The following PTPRN2 variants were observed in gnomAD, a reference collection of about 807,000 sequenced individuals.
PTPRN2 encodes protein tyrosine phosphatase receptor type N2.
Under a neutral mutation model 118.8 loss-of-function variants are expected in PTPRN2, and 74 were observed. That is an observed-to-expected ratio of 0.62 (90% CI 0.52 to 0.76). The LOEUF is 0.76. Ranked by LOEUF, PTPRN2 falls within the 30% of genes least tolerant of loss-of-function variation. The pLI is 0.00. For synonymous variants in PTPRN2, 641 were observed against 608.0 expected (o/e 1.05, Z -0.80); for missense variants, 1,481 against 1,394.4 (o/e 1.06, Z -0.99).
rs1182700465 is a variant in PTPRN2 at position 157,539,082 on chromosome 7, C to G, written c.*1632G>C. On this transcript the variant is annotated 3_prime_UTR_variant, in exon 23 of 23. Transcript: ENST00000389418. ...GTGAAATCAGAAGTTTAATATGACACAATTAAATATATTTGTATATCTCAC... is the reference window on the plus strand; with the variant it reads ...GTGAAATCAGAAGTTTAATATGACAGAATTAAATATATTTGTATATCTCAC... The G allele has an allele frequency of 3.9e-5, 6 of 152,176 alleles. No homozygotes were observed. The highest frequency in any genetic ancestry group is 1.2e-4 in the African/African-American group (5 of 41,410). The allele number at this position is 152,176 out of a possible 1,614,324, so 9.4% of individuals were successfully genotyped here.
chr7:158,046,778 C>T (rs1396533344), intron 11 of PTPRN2, among the ~76,000 whole-genome samples: 4 of 152,172 alleles, frequency 2.6e-5, no homozygotes, highest in Non-Finnish European at 2.9e-5. Flanking sequence ...CCTAACCTGA[C>T]ATTTTGGAGA....
intron 11 of PTPRN2, among the ~76,000 whole-genome samples, chr7:157,995,699 T>C (rs4716525): frequency 0.67 from 102,694 of 152,214 alleles, 35,000 homozygotes; most frequent in East Asian, 0.88. Flanking sequence ...AGCGTCCACA[T>C]GAGCAGGCGG....
intron 11 of PTPRN2, among the ~76,000 whole-genome samples, chr7:158,070,750 CCCG>C (rs1811267462): frequency 8.8e-6 from 1 of 113,092 alleles, no homozygotes; most frequent in Non-Finnish European, 1.7e-5. Flanking sequence ...GGTGGAGGTG[CCCG>C]TGGTGGTGGA....
At chr7:158,052,798 CT>C (rs1809436598) in intron 11 of PTPRN2, among the ~76,000 whole-genome samples, 1 of 152,152 alleles carries the variant, frequency 6.6e-6, no homozygotes, top group South Asian at 2.1e-4. Flanking sequence ...CCCTTTGGAT[CT>C]TTTGGAGACA....
intron 2 of PTPRN2, among the ~76,000 whole-genome samples, chr7:158,398,604 A>C (rs1812708996): frequency 6.6e-6 from 1 of 152,322 alleles, no homozygotes; most frequent in East Asian, 1.9e-4. Context: ...AGTTTGAAAA[A>C]TCTAAGTCTG....
Position 158,489,750 on chromosome 7 carries a change from C to G in PTPRN2, c.148G>C (p.Glu50Gln). 2.2e-5 allele frequency: 35 copies of G among 1,583,698 alleles called. No homozygotes were observed. Among genetic ancestry groups the G allele is most frequent in the Non-Finnish European group, 3.0e-5 (35 of 1,166,166 alleles). The change falls in exon 2 of 23, where the codon GAG becomes CAG. Residue 50 changes from glutamate (E) to glutamine (Q), a missense_variant. This residue lies in a region of PTPRN2 where 1,115 missense variants were observed against 994.2 expected (regional missense o/e 1.12). Transcript: ENST00000389418. ...LLEEGLCGAS[E>Q]ACVNDGVFGR... ...CCACACTCACCGTTCACACAGGCCTCGGACGCTCCGCAGAGGCCCTCCTCG... is the reference window on the plus strand; with the variant it reads ...CCACACTCACCGTTCACACAGGCCTGGGACGCTCCGCAGAGGCCCTCCTCG...
At chr7:158,029,924 A>G (rs899664010) in intron 11 of PTPRN2, 1 of 152,286 alleles carries the variant, frequency 6.6e-6, no homozygotes, top group Non-Finnish European at 1.5e-5. Context: ...CAGCTGCAAA[A>G]CAGCTGATAA....
intron 5 of PTPRN2, among the ~76,000 whole-genome samples, chr7:158,172,347 CAGA>C (rs1319536931): frequency 2.0e-5 from 3 of 152,202 alleles, no homozygotes; most frequent in Non-Finnish European, 4.4e-5. Flanking sequence ...GCACACAACT[CAGA>C]GGAGGAACTT....
At chr7:157,855,309 G>C (rs980932659) in intron 12 of PTPRN2, among the ~76,000 whole-genome samples, 2 of 152,268 alleles carry the variant, frequency 1.3e-5, no homozygotes, top group Admixed American at 6.5e-5. Flanking sequence ...CCGGCTTCTC[G>C]AGCTCGGCCT....
chr7:158,147,687 T>C (rs1202760282), intron 6 of PTPRN2, among the ~76,000 whole-genome samples: 2 of 140,954 alleles, frequency 1.4e-5, no homozygotes, highest in South Asian at 2.4e-4. Context: ...TGACACCCCA[T>C]CTCACGCCAC....
At chr7:157,966,840 T>G (rs1216814765) in intron 11 of PTPRN2, among the ~76,000 whole-genome samples, 2 of 152,118 alleles carry the variant, frequency 1.3e-5, no homozygotes, top group Non-Finnish European at 2.9e-5. Flanking sequence ...ATTATCACCA[T>G]CATCACAATG....
chr7:158,281,499 A>G (rs950867182), intron 3 of PTPRN2, among the ~76,000 whole-genome samples: 6 of 152,236 alleles, frequency 3.9e-5, no homozygotes, highest in Non-Finnish European at 7.3e-5. Context: ...TATAAGAGAC[A>G]TTGTCATATG....
chr7:157,660,813 GGT>G lies in PTPRN2; in HGVS notation c.2002-4264_2002-4263del, dbSNP rs1251397459. ...TCTGTCGCCCAGGCTGGAGTGCAGT[GGT>G]GTAATCTCAGCTCACTGCAGCCTCC... is the stretch of plus-strand genomic sequence containing the variant. On this transcript the variant is annotated intron_variant, in intron 13 of 22. Coordinates refer to ENST00000389418, the MANE Select transcript of PTPRN2 (RefSeq NM_002847.5). 2.6e-5 allele frequency among the ~76,000 whole-genome samples: 4 copies of G among 152,218 alleles called. No individual in the cohort carries two copies. In the East Asian group the frequency reaches 7.7e-4, roughly 29 times the overall value.
At chr7:158,260,523 A>T (rs2150923163) in intron 3 of PTPRN2, among the ~76,000 whole-genome samples, 1 of 152,338 alleles carries the variant, frequency 6.6e-6, no homozygotes, top group Non-Finnish European at 1.5e-5. Flanking sequence ...TATTTGAATA[A>T]AGCCCAGAGG....
At chr7:158,075,469 CTGG>C (rs1812269878) in intron 11 of PTPRN2, among the ~76,000 whole-genome samples, 1 of 152,130 alleles carries the variant, frequency 6.6e-6, no homozygotes, top group African/African-American at 2.4e-5. Context: ...CAAGCTGGGG[CTGG>C]TTCACACACT....
At chr7:158,078,460 C>T (rs754578731) in intron 11 of PTPRN2, among the ~76,000 whole-genome samples, 5 of 152,240 alleles carry the variant, frequency 3.3e-5, no homozygotes, top group African/African-American at 1.2e-4. Flanking sequence ...CACCACAGGG[C>T]GTTTGTGATG....
At chr7:158,128,569 A>T (rs908878263) in intron 9 of PTPRN2, among the ~76,000 whole-genome samples, 1 of 152,148 alleles carries the variant, frequency 6.6e-6, no homozygotes, top group Non-Finnish European at 1.5e-5. Context: ...AAATGACCCA[A>T]TGTGATAGGT....
chr7:158,337,042 C>T (rs1378643257), intron 2 of PTPRN2, among the ~76,000 whole-genome samples: 1 of 75,386 alleles, frequency 1.3e-5, no homozygotes, highest in Non-Finnish European at 3.4e-5. Context: ...AGACATCACT[C>T]ACACCCACAC....
At chr7:158,316,283 C>T (rs1165890134) in intron 3 of PTPRN2, among the ~76,000 whole-genome samples, 1 of 152,254 alleles carries the variant, frequency 6.6e-6, no homozygotes, top group African/African-American at 2.4e-5. Flanking sequence ...CCACACAGCA[C>T]TGCTTCTGAC....
Sources: gnomAD v4.1 joint callset for allele counts (sites outside exome capture counted in the v4.1 genomes callset) on GRCh38, gnomAD v4.1.1 for gene constraint, gnomAD v4.1.1 regional missense constraint, MANE v1.5 for transcripts, NCBI Gene and HGNC (gene_info 2026-07-23, HGNC 2026-07-21) for gene names.